MINDY2: variants seen among roughly 807,000 people sequenced by gnomAD.
The protein encoded by MINDY2 is MINDY lysine 48 deubiquitinase 2, also known as ubiquitin carboxyl-terminal hydrolase MINDY-2.
MINDY2 carries 52 observed loss-of-function variants against 68.2 expected under a neutral mutation model. The ratio of observed to expected loss-of-function variants is 0.76; its 90% CI spans 0.61 to 0.96. The LOEUF is 0.96. Among genes scored for constraint, MINDY2 ranks in the 40% least tolerant of loss-of-function variants. The pLI is 0.00. For missense variants in MINDY2, 881 were observed against 773.4 expected, an observed-to-expected ratio of 1.14 and a Z score of -1.65; for synonymous variants, 372 against 303.0, an observed-to-expected ratio of 1.23 and a Z score of -2.36.
chr15:58,838,205 C>G lies in MINDY2; in HGVS notation c.1368+6289C>G, dbSNP rs558098396. Among the ~76,000 whole-genome samples the G allele has an allele frequency of 2.1e-4, 32 of 151,388 alleles. 1 individual carries two copies. The South Asian group carries it at 6.7e-3, about 32-fold the overall frequency. On this transcript the variant is annotated intron_variant, in intron 6 of 8. Coordinates refer to ENST00000559228, the MANE Select transcript of MINDY2 (RefSeq NM_001040450.3). Reference sequence around the variant, plus strand: ...TTAAGGTCAGGAGTTCGAGACCAGCCTGGCCAACATGGTGAAACCCCATCT... The same window carrying G: ...TTAAGGTCAGGAGTTCGAGACCAGCGTGGCCAACATGGTGAAACCCCATCT...
At chr15:58,823,507 C>G (rs1412682095) in intron 5 of MINDY2, among the ~76,000 whole-genome samples, 1 of 151,746 alleles carries the variant, frequency 6.6e-6, no homozygotes, top group Non-Finnish European at 1.5e-5. Context: ...GATCCCATCT[C>G]TAAAAAATAA....
intron 2 of MINDY2, among the ~76,000 whole-genome samples, chr15:58,789,215 G>A (rs1389106509): frequency 6.6e-6 from 1 of 151,490 alleles, no homozygotes. Context: ...GCAGACGCCT[G>A]ATGTCCCAGC....
In MINDY2 at chr15:58,857,763, G is replaced by A. The variant is rs1307932029; in HGVS notation, c.*3153G>A. The A allele has an allele frequency of 1.3e-5, 2 of 152,050 alleles. No individual in the cohort carries two copies. The highest frequency in any genetic ancestry group is 3.2e-3 in the Middle Eastern group (1 of 316). The allele number at this position is 152,050 out of a possible 1,614,324, so 9.4% of individuals were successfully genotyped here. On this transcript the variant is annotated 3_prime_UTR_variant, in exon 9 of 9. Coordinates refer to ENST00000559228, the MANE Select transcript of MINDY2 (RefSeq NM_001040450.3). ...AACATTTTTGTTTTTATCATTTATA[G>A]CCTAGATTAGGGACATATTTGCATC... is the stretch of plus-strand genomic sequence containing the variant.
intron 5 of MINDY2, among the ~76,000 whole-genome samples, chr15:58,829,797 T>C (rs1455287715): frequency 1.3e-5 from 2 of 152,218 alleles, no homozygotes; most frequent in Admixed American, 1.3e-4. Context: ...GTCCTTGCAA[T>C]AGTGTGATAA....
At chr15:58,829,684 G>A (rs1449732840) in intron 5 of MINDY2, among the ~76,000 whole-genome samples, 2 of 152,210 alleles carry the variant, frequency 1.3e-5, no homozygotes, top group Non-Finnish European at 2.9e-5. Context: ...ACAGACGGCA[G>A]TGGTACTTTT....
At chr15:58,781,571 T>C (rs1297671204) in intron 1 of MINDY2, among the ~76,000 whole-genome samples, 2 of 152,184 alleles carry the variant, frequency 1.3e-5, no homozygotes, top group Non-Finnish European at 1.5e-5. Context: ...TCAAAGCCTT[T>C]TTAACTTGTG....
chr15:58,812,402 A>AT (rs1352617027), intron 4 of MINDY2, among the ~76,000 whole-genome samples: 5 of 151,202 alleles, frequency 3.3e-5, no homozygotes, highest in African/African-American at 4.9e-5. Context: ...GTGCCACTGC[A>AT]TTCTAGCCTG....
At position 58,771,469 on chromosome 15, in the gene MINDY2, C is replaced by A. The variant is rs915747588; in HGVS notation, c.74C>A (p.Ser25Tyr). The A allele has an allele frequency of 1.2e-5, 20 of 1,612,466 alleles. No homozygotes were observed. The highest frequency in any genetic ancestry group is 2.7e-5 in the African/African-American group (2 of 74,922). ...GCCGGGCCAGCGTCAGGGACAGGTT[C>A]TTCGCAGGAAGGGCTACAGGAGACC... ...VAAGPASGTG[S>Y]SQEGLQETRL... Residue 25 changes from serine (S) to tyrosine (Y), a missense_variant, in exon 1 of 9, where the codon TCT becomes TAT. Physicochemically the swap from Ser to Tyr is moderately radical, Grantham distance 144. Coordinates refer to ENST00000559228, the MANE Select transcript of MINDY2 (RefSeq NM_001040450.3).
chr15:58,841,595 C>T (rs759196489), intron 6 of MINDY2, among the ~76,000 whole-genome samples: 8 of 151,174 alleles, frequency 5.3e-5, no homozygotes, highest in Non-Finnish European at 1.2e-4. Context: ...AGTAGAGACA[C>T]AGTTTCACCA....
intron 7 of MINDY2, among the ~76,000 whole-genome samples, chr15:58,847,884 G>A (rs1326671097): frequency 6.6e-6 from 1 of 152,156 alleles, no homozygotes; most frequent in African/African-American, 2.4e-5. Flanking sequence ...ATGAAGAGAT[G>A]AGCACATATC....
chr15:58,779,503 C>G (rs1465219287), intron 1 of MINDY2, among the ~76,000 whole-genome samples: 2 of 152,144 alleles, frequency 1.3e-5, no homozygotes, highest in South Asian at 2.1e-4. Flanking sequence ...ATTTTCTCTT[C>G]CTGAAGTAGC....
intron 8 of MINDY2, among the ~76,000 whole-genome samples, chr15:58,853,713 G>A (rs1433396050): frequency 2.7e-5 from 4 of 150,938 alleles, no homozygotes; most frequent in African/African-American, 9.8e-5. Flanking sequence ...CCAGCTACTC[G>A]GGAGACTTGA....
chr15:58,836,864 C>T (rs774940535), intron 6 of MINDY2, among the ~76,000 whole-genome samples: 1 of 152,052 alleles, frequency 6.6e-6, no homozygotes, highest in Non-Finnish European at 1.5e-5. Context: ...AAGCAGTCTG[C>T]CCAACTCAAC....
At chr15:58,786,140 A>G (rs910441857) in intron 1 of MINDY2, among the ~76,000 whole-genome samples, 1 of 152,194 alleles carries the variant, frequency 6.6e-6, no homozygotes, top group East Asian at 1.9e-4. Context: ...TCTGTTTTAT[A>G]GGGATCTTTT....
At chr15:58,804,918 A>C (rs138292699) in intron 3 of MINDY2, among the ~76,000 whole-genome samples, 3 of 152,210 alleles carry the variant, frequency 2.0e-5, no homozygotes, top group African/African-American at 7.2e-5. Context: ...ACTTGAGCCT[A>C]GGAGTTCAAG....
rs1306215074 is a variant in MINDY2, at chr15:58,787,922, T to C, written c.857T>C (p.Met286Thr). Residue 286 changes from methionine to threonine, a missense_variant, in exon 2 of 9, where the codon ATG becomes ACG. By Grantham distance (81) the Met-to-Thr change is moderately conservative. Transcript: ENST00000559228. ...GTTTTTCAGGTGAAACTTCCACCGATGATGGAAATCATAACTGCTGAGCAG... is the reference window on the plus strand; with the variant it reads ...GTTTTTCAGGTGAAACTTCCACCGACGATGGAAATCATAACTGCTGAGCAG... ...LLAWKVKLPP[M>T]MEIITAEQLM... 6.3e-7 allele frequency: 1 copy of C among 1,596,972 alleles called. No individual in the cohort carries two copies. The highest frequency in any genetic ancestry group is 8.5e-7 in the Non-Finnish European group (1 of 1,172,516).
intron 5 of MINDY2, among the ~76,000 whole-genome samples, chr15:58,828,635 C>T (rs2031549239): frequency 1.5e-5 from 2 of 137,356 alleles, no homozygotes. Flanking sequence ...GATCTCGGCT[C>T]ACTGAAAGCT....
intron 2 of MINDY2, among the ~76,000 whole-genome samples, chr15:58,793,383 G>A (rs1902066347): frequency 6.6e-6 from 1 of 152,022 alleles, no homozygotes; most frequent in South Asian, 2.1e-4. Flanking sequence ...CCCAGCAGTC[G>A]GAGGTTGCAG....
chr15:58,847,730 C>A (rs1357296654), intron 7 of MINDY2, among the ~76,000 whole-genome samples: 1 of 152,116 alleles, frequency 6.6e-6, no homozygotes, highest in Non-Finnish European at 1.5e-5. Context: ...AAAGCTATGT[C>A]AAGTATTAAA....
Sources: gnomAD v4.1 joint callset for allele counts (sites outside exome capture counted in the v4.1 genomes callset) on GRCh38, gnomAD v4.1.1 for gene constraint, MANE v1.5 for transcripts, NCBI Gene and HGNC (gene_info 2026-07-23, HGNC 2026-07-21) for gene names.